CD109: variants seen among roughly 807,000 people sequenced by gnomAD.
The protein encoded by CD109 is CD109 molecule.
Under a neutral mutation model 165.8 loss-of-function variants are expected in CD109, and 149 were observed. The ratio of observed to expected loss-of-function variants is 0.90; its 90% CI spans 0.79 to 1.03. CD109 has a LOEUF of 1.03. CD109 is among the 50% of genes least tolerant of loss of function. CD109 has a pLI of 0.00. For missense variants in CD109, 1,712 were observed against 1,677.8 expected, an observed-to-expected ratio of 1.02 and a Z score of -0.36; for synonymous variants, 585 against 592.1, an observed-to-expected ratio of 0.99 and a Z score of 0.18.
chr6:73,736,524 T>C lies in CD109; in HGVS notation c.633+16T>C, dbSNP rs371341855. On this transcript the variant is annotated intron_variant, in intron 5 of 32. Transcript: ENST00000287097. ...TCAAGTGAATGTGAGTATAAATATA[T>C]TTTTTGGGGGGAATGTTAAAGTGAT... 1.3e-4 allele frequency: 201 copies of C among 1,596,620 alleles called. No homozygotes were observed. In the African/African-American group the frequency reaches 2.6e-3, roughly 20 times the overall value.
rs756592994 is a variant in CD109 at position 73,759,023 on chromosome 6, G to A, written c.753G>A (p.Thr251=). 16 of 1,581,148 alleles carry A rather than the reference G, an allele frequency of 1.0e-5. No individual in the cohort carries two copies. The highest frequency in any genetic ancestry group is 1.3e-5 in the Non-Finnish European group (15 of 1,151,460). ...CTAAGCATTTAAATGGTACCATCAC[G>A]GCAAAGTAAGTGTCATTTTTCTTTT... ...MNSKHLNGTI[T]AKYTYGKPVK... Residue 251 remains threonine (T), a synonymous_variant, in exon 7 of 33, where the codon ACG becomes ACA. Transcript: ENST00000287097.
the CD109 span, among the ~76,000 whole-genome samples, chr6:73,688,014 T>C: frequency 6.6e-6 from 1 of 152,184 alleles, no homozygotes; most frequent in African/African-American, 2.4e-5. Flanking sequence ...AACTCCCAAC[T>C]GGCATTGGCA....
chr6:73,747,653 A>G (rs1773031081), intron 5 of CD109, among the ~76,000 whole-genome samples: 2 of 152,100 alleles, frequency 1.3e-5, no homozygotes, highest in African/African-American at 4.8e-5. Context: ...CTGTATTTGG[A>G]TGTTTCAAAG....
intron 15 of CD109, among the ~76,000 whole-genome samples, 192 bp from the exon 16 acceptor site, chr6:73,780,232 G>A (rs888784168): frequency 2.0e-5 from 3 of 152,148 alleles, no homozygotes; most frequent in African/African-American, 7.2e-5. Context: ...CAGAGTAAAA[G>A]TAAGTATAAG....
In CD109 at chr6:73,792,739, C is replaced by A. The variant is rs773535517; in HGVS notation, c.2815C>A (p.Leu939Met). Residue 939 changes from leucine (L) to methionine (M), a missense_variant, in exon 23 of 33, where the codon CTG (leucine) becomes ATG (methionine). Transcript: ENST00000287097. ...FAPNIYILDYLTKKKQLTDNL... is the reference protein window; with the variant it reads ...FAPNIYILDYMTKKKQLTDNL... Reference sequence around the variant, plus strand: ...TCCAAATATTTACATTTTGGATTATCTGACTAAAAAGAAACAACTGACAGA... The same window carrying A: ...TCCAAATATTTACATTTTGGATTATATGACTAAAAAGAAACAACTGACAGA... The A allele has an allele frequency of 1.3e-5, 21 of 1,612,390 alleles. No homozygotes were observed. In the East Asian group the frequency reaches 4.5e-4, roughly 34 times the overall value.
Position 73,736,394 on chromosome 6 carries a change from A to G in CD109, c.519A>G (p.Ser173=). The G allele has an allele frequency of 6.2e-7, 1 of 1,613,410 alleles. No homozygotes were observed. Among genetic ancestry groups the G allele is most frequent in the Non-Finnish European group, 8.5e-7 (1 of 1,179,740 alleles). The part of the protein sequence containing the change: ...SLNILIKDPK[S]NLIQQWLSQQ... ...GGTTTTCATTTTAGGACCCCAAATCAAATTTGATCCAACAGTGGTTGTCAC... is the reference window on the plus strand; with the variant it reads ...GGTTTTCATTTTAGGACCCCAAATCGAATTTGATCCAACAGTGGTTGTCAC... Residue 173 remains serine, a synonymous_variant, in exon 5 of 33, where the codon TCA becomes TCG. Coordinates refer to ENST00000287097, the MANE Select transcript of CD109 (RefSeq NM_133493.5).
At chr6:73,718,554 A>C (rs897395437) in intron 2 of CD109, among the ~76,000 whole-genome samples, 1 of 151,506 alleles carries the variant, frequency 6.6e-6, no homozygotes, top group African/African-American at 2.4e-5. Flanking sequence ...TATCACATTG[A>C]TTGATGTGCA....
intron 2 of CD109, among the ~76,000 whole-genome samples, chr6:73,698,750 G>A (rs1246957003): frequency 2.0e-5 from 3 of 152,140 alleles, no homozygotes; most frequent in Admixed American, 1.3e-4. Context: ...CCTCATAGAA[G>A]CAATGTCAGG....
In CD109 at chr6:73,802,311, T is replaced by A. The variant is rs1244548743; in HGVS notation, c.2879-909T>A. On this transcript the variant is annotated intron_variant, in intron 23 of 32. Transcript: ENST00000287097. ...TGTGTATATATATATATATATTTTT[T>A]TTTTTTTTTTTTTTTTTAGTGGAAA... Among the ~76,000 whole-genome samples, 403 of 120,630 alleles carry A rather than the reference T, an allele frequency of 3.3e-3. 2 individuals carry two copies. The highest frequency in any genetic ancestry group is 0.033 in the East Asian group (139 of 4,202). The allele number at this position is 120,630 out of a possible 152,430, so 79.1% of individuals were successfully genotyped here.
chr6:73,744,509 C>T (rs2150198948), intron 5 of CD109, among the ~76,000 whole-genome samples: 1 of 152,162 alleles, frequency 6.6e-6, no homozygotes, highest in South Asian at 2.1e-4. Context: ...GATTAATGCC[C>T]TGGACTTTCT....
chr6:73,788,835 T>A (rs189642579), intron 22 of CD109, among the ~76,000 whole-genome samples: 4 of 152,342 alleles, frequency 2.6e-5, no homozygotes, highest in Admixed American at 1.3e-4. Flanking sequence ...GGAGTCTTGT[T>A]TAAAAGCAAA....
At position 73,766,144 on chromosome 6, in the gene CD109, T is replaced by A. The variant is rs774128824; in HGVS notation, c.1322T>A (p.Leu441Gln). The change falls in exon 11 of 33, where the codon CTA (leucine) becomes CAA (glutamine). Residue 441 changes from leucine (L) to glutamine (Q), a missense_variant. Physicochemically the swap from Leu to Gln is moderately radical, Grantham distance 113. Coordinates refer to ENST00000287097, the MANE Select transcript of CD109 (RefSeq NM_133493.5). ...EFPILEDSSE[L>Q]QLKAYFLGSK... is the part of the protein sequence containing the mutation. ...CCAATCCTGGAGGATTCCAGTGAGC[T>A]ACAGTTGAAGGTGCCGTCTGTTTCC... The A allele has an allele frequency of 4.3e-6, 7 of 1,613,516 alleles. No homozygotes were observed. Among genetic ancestry groups the A allele is most frequent in the Non-Finnish European group, 5.9e-6 (7 of 1,179,424 alleles).
At position 73,823,983 on chromosome 6, in the gene CD109, A is replaced by G. The variant is rs1302506995; in HGVS notation, c.*350A>G. 6.2e-6 allele frequency: 1 copy of G among 161,806 alleles called. No individual in the cohort carries two copies. Among genetic ancestry groups the G allele is most frequent in the Non-Finnish European group, 1.3e-5 (1 of 74,576 alleles). The allele number at this position is 161,806 out of a possible 1,614,324, so 10.0% of individuals were successfully genotyped here. ...AAATGAACCTAGATTCTTAAGCATT[A>G]TTACACATCCATGTTTGCTTAAAGA... is the stretch of plus-strand genomic sequence containing the variant. On this transcript the variant is annotated 3_prime_UTR_variant, in exon 33 of 33. Coordinates refer to ENST00000287097, the MANE Select transcript of CD109 (RefSeq NM_133493.5).
chr6:73,715,980 T>C (rs1041827411), intron 2 of CD109, among the ~76,000 whole-genome samples: 5 of 152,198 alleles, frequency 3.3e-5, no homozygotes, highest in African/African-American at 1.2e-4. Context: ...CCATTATTAG[T>C]TAAATTGTTT....
intron 4 of CD109, 21 bp from the exon 5 acceptor site, chr6:73,736,362 C>G: frequency 6.2e-7 from 1 of 1,612,190 alleles, no homozygotes; most frequent in Non-Finnish European, 8.5e-7. Flanking sequence ...TACATACTTA[C>G]ATGTCTGGTT....
intron 32 of CD109, among the ~76,000 whole-genome samples, chr6:73,823,233 A>G (rs1268676429): frequency 6.6e-6 from 1 of 152,210 alleles, no homozygotes; most frequent in Non-Finnish European, 1.5e-5. Context: ...ATGCTGGCCA[A>G]CTGCTGGTGG....
chr6:73,697,382 T>G lies in CD109; in HGVS notation c.75-18T>G. On this transcript the variant is annotated intron_variant, in intron 1 of 32. Coordinates refer to ENST00000287097, the MANE Select transcript of CD109 (RefSeq NM_133493.5). ...GAGGATAAGAAACTTTGTTTTTCCC[T>G]TGTTGGGAACTCTTTAGGCCTCGGT... The G allele has an allele frequency of 1.2e-6, 2 of 1,606,564 alleles. No individual in the cohort carries two copies. Among genetic ancestry groups the G allele is most frequent in the South Asian group, 2.2e-5 (2 of 90,702 alleles).
chr6:73,828,078 CTT>C lies in CD109; in HGVS notation c.*4447_*4448del, dbSNP rs961922060. ...GGGACAGTTGATGTGGAGTCAATCT[CTT>C]TGGTACACAGGAAGCTTTATAAAAT... On this transcript the variant is annotated 3_prime_UTR_variant, in exon 33 of 33. Transcript: ENST00000287097. 107 of 154,864 alleles carry C rather than the reference CTT, an allele frequency of 6.9e-4. No individual in the cohort carries two copies. Among genetic ancestry groups the C allele is most frequent in the African/African-American group, 2.3e-3 (96 of 41,628 alleles). 9.6% of individuals were successfully genotyped at this position (154,864 alleles called of 1,614,324 possible).
In CD109 at chr6:73,803,289, C is replaced by G. The variant is rs1775440518; in HGVS notation, c.2948C>G (p.Ser983Cys). ...AGTGCTTTTGGGAATTATGACCCTTCTGGGAGCACTTGGTAAGTGTTTTTG... is the reference window on the plus strand; with the variant it reads ...AGTGCTTTTGGGAATTATGACCCTTGTGGGAGCACTTGGTAAGTGTTTTTG... ...SFSAFGNYDP[S>C]GSTWLSAFVL... is the part of the protein sequence containing the mutation. The change falls in exon 24 of 33, where the codon TCT becomes TGT. Residue 983 changes from serine (S) to cysteine (C), a missense_variant. Transcript: ENST00000287097. 1.9e-6 allele frequency: 3 copies of G among 1,611,322 alleles called. No homozygotes were observed. Among genetic ancestry groups the G allele is most frequent in the Non-Finnish European group, 2.5e-6 (3 of 1,179,110 alleles).
Sources: gnomAD v4.1 joint callset for allele counts (sites outside exome capture counted in the v4.1 genomes callset) on GRCh38, gnomAD v4.1.1 for gene constraint, MANE v1.5 for transcripts, NCBI Gene and HGNC (gene_info 2026-07-23, HGNC 2026-07-21) for gene names.